TOX2: variants seen among roughly 807,000 people sequenced by gnomAD.
TOX2 encodes granulosa cell HMG box 1.
TOX2 carries 15 observed loss-of-function variants against 47.4 expected under a neutral mutation model. The ratio of observed to expected loss-of-function variants is 0.32; its 90% CI spans 0.21 to 0.49. The LOEUF (loss-of-function observed/expected upper bound fraction) is 0.49, where lower values mean the gene tolerates loss of function less well. Among genes scored for constraint, TOX2 ranks in the 20% least tolerant of loss-of-function variants. TOX2 has a pLI of 0.99. For synonymous variants in TOX2, 290 were observed against 296.6 expected (o/e 0.98, Z 0.23); for missense variants, 622 against 673.1 (o/e 0.92, Z 0.84).
chr20:43,940,048 G>T lies in TOX2; in HGVS notation c.99+25058G>T, dbSNP rs373545727. ...ATAGTGCAGTCCAGGGGTGTATGGG[G>T]CTTGGGGTACTGCAGGCAAGTCCCT... On this transcript the variant is annotated intron_variant, in intron 1 of 8. Coordinates refer to ENST00000341197, the MANE Select transcript of TOX2 (RefSeq NM_001098797.2). Among the ~76,000 whole-genome samples the T allele has an allele frequency of 1.1e-4, 16 of 152,296 alleles. 1 individual carries two copies. Among genetic ancestry groups the T allele is most frequent in the Admixed American group, 3.9e-4 (6 of 15,300 alleles).
At position 44,006,586 on chromosome 20, in the gene TOX2, A is replaced by T; in HGVS notation, c.205A>T (p.Ile69Phe). Residue 69 changes from isoleucine (I) to phenylalanine (F), a missense_variant, in exon 3 of 9, where the codon ATC (isoleucine) becomes TTC (phenylalanine). Coordinates refer to ENST00000341197, the MANE Select transcript of TOX2 (RefSeq NM_001098797.2). The stretch of plus-strand genomic sequence containing the variant: ...GAGCGAGAACAACGAAGACTATGAG[A>T]TCCCCCCGATAACACCTCCCAACCT... ...GQSENNEDYEIPPITPPNLPE... is the reference protein window; with the variant it reads ...GQSENNEDYEFPPITPPNLPE... 1 of 1,613,912 alleles carries T rather than the reference A, an allele frequency of 6.2e-7. No homozygotes were observed. Among genetic ancestry groups the T allele is most frequent in the Non-Finnish European group, 8.5e-7 (1 of 1,179,988 alleles).
At chr20:44,009,230 A>G (rs1412030379) in intron 3 of TOX2, among the ~76,000 whole-genome samples, 1 of 152,112 alleles carries the variant, frequency 6.6e-6, no homozygotes, top group East Asian at 1.9e-4. Flanking sequence ...TTCATTTATT[A>G]CCACCAAACT....
intron 2 of TOX2, among the ~76,000 whole-genome samples, chr20:43,979,434 C>A (rs1248456260): frequency 6.6e-6 from 1 of 152,010 alleles, no homozygotes; most frequent in African/African-American, 2.4e-5. Context: ...AAACCACGGG[C>A]AGAGTAATTC....
intron 5 of TOX2, among the ~76,000 whole-genome samples, chr20:44,063,981 A>G (rs776981443): frequency 2.0e-5 from 3 of 152,252 alleles, no homozygotes; most frequent in Non-Finnish European, 2.9e-5. Context: ...TAAGAATGAT[A>G]CAATGGACTT....
chr20:43,938,660 G>A lies in TOX2; in HGVS notation c.99+23670G>A, dbSNP rs540385662. Reference sequence around the variant, plus strand: ...TACGGAGAGCCTCAGCTCTTTACCCGGGATTCACAGCTAGTATTTGACAGA... The same window carrying A: ...TACGGAGAGCCTCAGCTCTTTACCCAGGATTCACAGCTAGTATTTGACAGA... On this transcript the variant is annotated intron_variant, in intron 1 of 8. Coordinates refer to ENST00000341197, the MANE Select transcript of TOX2 (RefSeq NM_001098797.2). 9.2e-4 allele frequency among the ~76,000 whole-genome samples: 140 copies of A among 152,290 alleles called. 1 individual carries two copies. Among genetic ancestry groups the A allele is most frequent in the African/African-American group, 3.0e-3 (123 of 41,562 alleles).
intron 3 of TOX2, among the ~76,000 whole-genome samples, chr20:44,031,868 G>A (rs756737716): frequency 1.6e-4 from 24 of 152,284 alleles, no homozygotes; most frequent in East Asian, 7.7e-4. Context: ...GCTAGGTGTC[G>A]CGGTCTAGAT....
At chr20:44,056,560 A>G (rs546241052) in intron 5 of TOX2, among the ~76,000 whole-genome samples, 10 of 152,286 alleles carry the variant, frequency 6.6e-5, no homozygotes, top group African/African-American at 1.7e-4. Flanking sequence ...AAGGTGGTTG[A>G]GAGTCCCAGC....
chr20:43,925,736 C>G (rs954650304), intron 1 of TOX2, among the ~76,000 whole-genome samples: 1 of 152,222 alleles, frequency 6.6e-6, no homozygotes, highest in African/African-American at 2.4e-5. Context: ...TTCTAGCAGT[C>G]TCATAACGTT....
intron 1 of TOX2, among the ~76,000 whole-genome samples, chr20:43,919,568 A>G (rs1489769941): frequency 6.6e-6 from 1 of 152,154 alleles, no homozygotes; most frequent in Non-Finnish European, 1.5e-5. Context: ...TATTTGTTAC[A>G]TAGGTAAACG....
At chr20:43,926,656 C>T (rs554458304) in intron 1 of TOX2, among the ~76,000 whole-genome samples, 4 of 152,306 alleles carry the variant, frequency 2.6e-5, no homozygotes, top group Admixed American at 1.3e-4. Context: ...ATCGGTGTAG[C>T]GCTTGTTCCC....
chr20:43,951,156 C>T (rs1408664943), intron 1 of TOX2, among the ~76,000 whole-genome samples: 1 of 152,154 alleles, frequency 6.6e-6, no homozygotes, highest in Non-Finnish European at 1.5e-5. Flanking sequence ...TCAGGAGGGA[C>T]CCTTGCAGTA....
At chr20:44,036,300 A>C (rs2071238588) in intron 3 of TOX2, among the ~76,000 whole-genome samples, 1 of 152,210 alleles carries the variant, frequency 6.6e-6, no homozygotes, top group Admixed American at 6.5e-5. Context: ...GTAGGTGTTC[A>C]CTGAGGCTGT....
rs1368463291 is a variant in TOX2, at chr20:43,955,246, C to G, written c.100-18121C>G. The G allele has an allele frequency of 6.1e-6, 6 of 985,336 alleles. No individual in the cohort carries two copies. In the African/African-American group the frequency reaches 1.0e-4, roughly 17 times the overall value. The allele number at this position is 985,336 out of a possible 1,614,324, so 61.0% of individuals were successfully genotyped here. On this transcript the variant is annotated intron_variant, in intron 1 of 8. Transcript: ENST00000341197. ...AACAAATTCTGAAACTGCACGAGTT[C>G]TGGCTGAGAGCTGTGGATCTGTGCA...
At chr20:43,962,166 A>G (rs1438188532) in intron 1 of TOX2, among the ~76,000 whole-genome samples, 2 of 152,234 alleles carry the variant, frequency 1.3e-5, no homozygotes, top group East Asian at 3.9e-4. Context: ...AGTAATGCAG[A>G]CGGTGTGTGA....
intron 3 of TOX2, among the ~76,000 whole-genome samples, chr20:44,045,906 G>C (rs2071402888): frequency 6.6e-6 from 1 of 152,222 alleles, no homozygotes; most frequent in Admixed American, 6.5e-5. Flanking sequence ...ATTTGATCTT[G>C]AGGAGCTAAT....
chr20:44,005,882 G>C (rs937301850), intron 2 of TOX2, among the ~76,000 whole-genome samples: 1 of 152,012 alleles, frequency 6.6e-6, no homozygotes, highest in Non-Finnish European at 1.5e-5. Context: ...CCGGATGTCT[G>C]TTCTCACCAT....
chr20:44,047,360 A>G (rs977147495), intron 3 of TOX2, among the ~76,000 whole-genome samples: 2 of 152,208 alleles, frequency 1.3e-5, no homozygotes, highest in Non-Finnish European at 2.9e-5. Flanking sequence ...TGTTACTAAA[A>G]AAGAAAATGT....
At chr20:44,051,594 G>C (rs760584973) in intron 4 of TOX2, 49 bp downstream of exon 4, 1 of 1,527,754 alleles carries the variant, frequency 6.5e-7, no homozygotes, top group South Asian at 1.3e-5. Flanking sequence ...CTGTCGGCAG[G>C]GAAGGGGTCC....
intron 2 of TOX2, among the ~76,000 whole-genome samples, chr20:43,993,438 A>G (rs1421670618): frequency 6.6e-6 from 1 of 152,122 alleles, no homozygotes; most frequent in Non-Finnish European, 1.5e-5. Context: ...TGGGGCTGAC[A>G]GGACTTTGTG....
Sources: allele counts gnomAD v4.1 joint callset (sites outside exome capture counted in the v4.1 genomes callset), GRCh38; gene constraint gnomAD v4.1.1; transcripts MANE v1.5; gene names NCBI Gene and HGNC (gene_info 2026-07-23, HGNC 2026-07-21).